The following ACSM3 variants were observed in gnomAD, a reference collection of about 807,000 sequenced individuals.
The protein encoded by ACSM3 is acyl-CoA synthetase medium chain family member 3.
ACSM3 carries 61 observed loss-of-function variants against 74.1 expected under a neutral mutation model. The ratio of observed to expected loss-of-function variants is 0.82; its 90% CI spans 0.67 to 1.02. The LOEUF (loss-of-function observed/expected upper bound fraction) is 1.02, where lower values mean the gene tolerates loss of function less well. Ranked by LOEUF, ACSM3 falls within the 50% of genes least tolerant of loss-of-function variation. The probability of loss-of-function intolerance (pLI) is 0.00; values close to 1 mark genes in which losing one functional copy is unlikely to be tolerated. For missense variants in ACSM3, 660 were observed against 697.0 expected (o/e 0.95, Z 0.60); for synonymous variants, 213 against 241.5 (o/e 0.88, Z 1.09).
At chr16:20,690,004 T>G (rs1463759080) in intron 1 of ACSM3, among the ~76,000 whole-genome samples, 1 of 152,222 alleles carries the variant, frequency 6.6e-6, no homozygotes, top group Non-Finnish European at 1.5e-5. Context: ...TCTAATTAGA[T>G]GATTAAATGC....
chr16:20,685,699 A>G (rs1442678448), intron 1 of ACSM3, among the ~76,000 whole-genome samples: 1 of 151,900 alleles, frequency 6.6e-6, no homozygotes, highest in Non-Finnish European at 1.5e-5. Flanking sequence ...GCATGCCTGT[A>G]ATCTCAGCTA....
At chr16:20,686,839 G>A (rs1303307445) in intron 1 of ACSM3, among the ~76,000 whole-genome samples, 1 of 151,598 alleles carries the variant, frequency 6.6e-6, no homozygotes, top group Non-Finnish European at 1.5e-5. Flanking sequence ...TATGGAAAGT[G>A]ATTAACATGT....
chr16:20,725,897 CG>C (rs1367157330), intron 1 of ACSM3, among the ~76,000 whole-genome samples: 1 of 152,012 alleles, frequency 6.6e-6, no homozygotes, highest in East Asian at 1.9e-4. Context: ...CGCTTGAACC[CG>C]GAAGGTGGAG....
chr16:20,737,171 C>T (rs1567330131), intron 1 of ACSM3: 3 of 1,614,182 alleles, frequency 1.9e-6, no homozygotes, highest in Non-Finnish European at 2.5e-6. Context: ...TTCTAAACAA[C>T]ATGTAATCTT....
At chr16:20,781,836 G>C in intron 7 of ACSM3, 49 bp downstream of exon 7, 4 of 1,403,784 alleles carry the variant, frequency 2.8e-6, no homozygotes, top group Non-Finnish European at 4.0e-6. Context: ...GGGAGAAGAG[G>C]AAGCTATAAA....
chr16:20,771,933 C>G (rs536727500), intron 2 of ACSM3, among the ~76,000 whole-genome samples: 1 of 152,178 alleles, frequency 6.6e-6, no homozygotes, highest in Non-Finnish European at 1.5e-5. Flanking sequence ...GCCATTCTAA[C>G]TGGGGTAAGA....
intron 1 of ACSM3, among the ~76,000 whole-genome samples, chr16:20,722,974 T>C (rs1401413811): frequency 6.6e-6 from 1 of 152,174 alleles, no homozygotes; most frequent in South Asian, 2.1e-4. Flanking sequence ...ATGTGCCATG[T>C]TGCTGTGCTG....
chr16:20,755,079 A>C (rs763525034), intron 2 of ACSM3, among the ~76,000 whole-genome samples: 2 of 152,168 alleles, frequency 1.3e-5, no homozygotes, highest in Non-Finnish European at 2.9e-5. Flanking sequence ...CAATAAGAAG[A>C]AGCTCCTTGC....
At position 20,791,994 on chromosome 16, in the gene ACSM3, T is replaced by C. The variant is rs781363736; in HGVS notation, c.1327-8T>C. On this transcript the variant is annotated splice_region_variant and splice_polypyrimidine_tract_variant and intron_variant, in intron 10 of 13. Coordinates refer to ENST00000289416, the MANE Select transcript of ACSM3 (RefSeq NM_005622.4). ...CACCATAACAACAAAATGCTATTTGTTTTGCAGGATAATCCTTCAAAAACA... is the reference window on the plus strand; with the variant it reads ...CACCATAACAACAAAATGCTATTTGCTTTGCAGGATAATCCTTCAAAAACA... The C allele has an allele frequency of 1.9e-5, 31 of 1,613,532 alleles. No individual in the cohort carries two copies. Among genetic ancestry groups the C allele is most frequent in the Admixed American group, 1.8e-4 (11 of 59,944 alleles).
intron 4 of ACSM3, 83 bp from the exon 5 acceptor site, chr16:20,780,631 T>G: frequency 1.2e-6 from 2 of 1,613,394 alleles, no homozygotes; most frequent in Non-Finnish European, 1.7e-6. Context: ...GAGGTTCAAG[T>G]GGAGAGCTTC....
intron 1 of ACSM3, chr16:20,734,359 TATCA>T (rs893651560): frequency 1.3e-5 from 2 of 152,628 alleles, no homozygotes; most frequent in Non-Finnish European, 2.9e-5. Flanking sequence ...ATAATCCTCT[TATCA>T]ATCATTGCAA....
rs559162627 is a variant in ACSM3, at chr16:20,737,460, C to G, written c.-189-12450C>G. Among the ~76,000 whole-genome samples, 5 of 152,242 alleles carry G rather than the reference C, an allele frequency of 3.3e-5. No individual in the cohort carries two copies. In the East Asian group the frequency reaches 9.6e-4, roughly 29 times the overall value. The stretch of plus-strand genomic sequence containing the variant: ...ATAAATAAACACAAATGAAACCCTA[C>G]AACATTTAATAAGAATTTTTTTCCA... On this transcript the variant is annotated intron_variant, in intron 1 of 3. Transcript: ENST00000561584.
chr16:20,729,317 T>C, intron 1 of ACSM3: 5 of 1,459,308 alleles, frequency 3.4e-6, no homozygotes, highest in South Asian at 1.1e-5. Context: ...TGGGTATTTC[T>C]GGTTTGTCGG....
At chr16:20,765,491 G>A (rs1433251968) in intron 1 of ACSM3, among the ~76,000 whole-genome samples, 3 of 152,138 alleles carry the variant, frequency 2.0e-5, no homozygotes, top group African/African-American at 7.2e-5. Context: ...TATTGTATGG[G>A]AGCTAGGGAA....
At chr16:20,675,976 A>T (rs1425990252) in intron 1 of ACSM3, 1 of 152,190 alleles carries the variant, frequency 6.6e-6, no homozygotes, top group East Asian at 1.9e-4. Flanking sequence ...GAGACAAAAG[A>T]AAAGTCTCAG....
chr16:20,682,721 T>C (rs900265160), intron 1 of ACSM3, among the ~76,000 whole-genome samples: 2 of 152,206 alleles, frequency 1.3e-5, no homozygotes, highest in African/African-American at 4.8e-5. Flanking sequence ...TCTTTTCTAC[T>C]GTAAATGGAT....
intron 8 of ACSM3, 103 bp downstream of exon 8, chr16:20,785,210 T>G: frequency 6.8e-7 from 1 of 1,471,034 alleles, no homozygotes; most frequent in Non-Finnish European, 9.2e-7. Flanking sequence ...GGATAGGAGT[T>G]GAGTGGTTAG....
At chr16:20,791,724 C>T (rs1047826258) in intron 10 of ACSM3, among the ~76,000 whole-genome samples, 6 of 151,976 alleles carry the variant, frequency 3.9e-5, no homozygotes, top group Admixed American at 6.5e-5. Context: ...GTAAGGAGCT[C>T]GACACCAGCC....
intron 3 of ACSM3, among the ~76,000 whole-genome samples, chr16:20,756,560 A>G (rs1030862396): frequency 9.9e-5 from 15 of 152,170 alleles, no homozygotes; most frequent in African/African-American, 3.6e-4. Flanking sequence ...GTAGGTTGCG[A>G]AAATTTTCTC....
Sources: allele counts gnomAD v4.1 joint callset (sites outside exome capture counted in the v4.1 genomes callset), GRCh38; gene constraint gnomAD v4.1.1; transcripts MANE v1.5; gene names NCBI Gene and HGNC (gene_info 2026-07-23, HGNC 2026-07-21).